The following PIK3C2G variants were observed in gnomAD, a reference collection of about 807,000 sequenced individuals.
PIK3C2G encodes phosphatidylinositol-4-phosphate 3-kinase catalytic subunit type 2 gamma, also known as phosphatidylinositol 3-kinase C2 domain-containing subunit gamma.
A neutral mutation model predicts 181.1 loss-of-function variants in PIK3C2G; 168 were observed. The observed-to-expected ratio is 0.93, with a 90% confidence interval of 0.82 to 1.05. The LOEUF is 1.05. Ranked by LOEUF, PIK3C2G falls within the 50% of genes least tolerant of loss-of-function variation. The pLI is 0.00. For missense variants in PIK3C2G, 1,869 were observed against 1,732.8 expected (o/e 1.08, Z -1.40); for synonymous variants, 573 against 592.2 (o/e 0.97, Z 0.47).
At chr12:18,357,075 T>C (rs1940809898) in intron 11 of PIK3C2G, among the ~76,000 whole-genome samples, 1 of 152,074 alleles carries the variant, frequency 6.6e-6, no homozygotes. Context: ...TAGGCAACAG[T>C]ACATATAAAA....
chr12:18,405,575 A>G lies in PIK3C2G; in HGVS notation c.2315+5728A>G, dbSNP rs577199567. On this transcript the variant is annotated intron_variant, in intron 16 of 32. Transcript: ENST00000538779. ...AGAAAAACCAGGAAAATAAACTGAA[A>G]AAAAAGTGACCAAAAGGTTGCAGGA... 7.9e-5 allele frequency among the ~76,000 whole-genome samples: 12 copies of G among 152,100 alleles called. No homozygotes were observed. The East Asian group carries it at 2.3e-3, about 29-fold the overall frequency.
Position 18,313,945 on chromosome 12 carries a change from A to AT in PIK3C2G, c.1035-11dup. On this transcript the variant is annotated splice_polypyrimidine_tract_variant and intron_variant, in intron 5 of 32. Transcript: ENST00000538779. ...ATTATGGGAGGATATGATTGTGTTC[A>AT]TTTTTTCCTCCTTCAGCGACCACTG... 1.5e-6 allele frequency: 2 copies of AT among 1,347,692 alleles called. No individual in the cohort carries two copies. The highest frequency in any genetic ancestry group is 2.1e-6 in the Non-Finnish European group (2 of 954,768). 83.5% of individuals were successfully genotyped at this position (1,347,692 alleles called of 1,614,324 possible).
chr12:18,679,409 G>A, the PIK3C2G span, among the ~76,000 whole-genome samples: 1 of 152,062 alleles, frequency 6.6e-6, no homozygotes, highest in African/African-American at 2.4e-5. Context: ...TCTTCTAGAA[G>A]TTTCATAACT....
chr12:18,538,059 A>AT, intron 24 of PIK3C2G, 97 bp from the exon 25 acceptor site: 1 of 1,219,790 alleles, frequency 8.2e-7, no homozygotes, highest in Non-Finnish European at 1.2e-6. Context: ...GAAAAAAAAA[A>AT]GAAAATTCAA....
intron 14 of PIK3C2G, among the ~76,000 whole-genome samples, chr12:18,390,081 G>A (rs1236613198): frequency 2.6e-5 from 4 of 152,062 alleles, no homozygotes; most frequent in African/African-American, 7.2e-5. Context: ...AGCTGATCTC[G>A]TACTTGTTTA....
intron 18 of PIK3C2G, among the ~76,000 whole-genome samples, chr12:18,453,202 A>T (rs572027916): frequency 1.3e-5 from 2 of 152,136 alleles, no homozygotes; most frequent in South Asian, 2.1e-4. Flanking sequence ...CTCTTTGTAG[A>T]TCTCTAAGAA....
intron 1 of PIK3C2G, among the ~76,000 whole-genome samples, chr12:18,254,372 G>A (rs1327982576): frequency 3.3e-5 from 5 of 152,200 alleles, no homozygotes; most frequent in African/African-American, 1.2e-4. Context: ...TCTCGAAGAT[G>A]TGAATCTGTT....
At chr12:18,541,944 T>C (rs1239249117) in intron 25 of PIK3C2G, among the ~76,000 whole-genome samples, 1 of 151,888 alleles carries the variant, frequency 6.6e-6, no homozygotes, top group East Asian at 1.9e-4. Context: ...TTTAGTCAGA[T>C]ACATGGTGGG....
At chr12:18,609,665 C>A in intron 31 of PIK3C2G, 36 bp downstream of exon 31, 2 of 1,292,142 alleles carry the variant, frequency 1.5e-6, no homozygotes, top group South Asian at 1.3e-5. Flanking sequence ...ACATGTAAGC[C>A]TACATCCAGA....
the PIK3C2G span, among the ~76,000 whole-genome samples, chr12:18,677,219 T>G: frequency 6.6e-6 from 1 of 152,068 alleles, no homozygotes; most frequent in Admixed American, 6.6e-5. Context: ...TGCACAAATA[T>G]GTGAGCACTT....
At chr12:18,379,924 C>G (rs1285283753) in intron 13 of PIK3C2G, among the ~76,000 whole-genome samples, 3 of 152,150 alleles carry the variant, frequency 2.0e-5, no homozygotes, top group Non-Finnish European at 4.4e-5. Context: ...TTTCCAGATC[C>G]CATCTCACCT....
At chr12:18,308,160 C>T (rs907738407) in intron 5 of PIK3C2G, among the ~76,000 whole-genome samples, 23 of 151,800 alleles carry the variant, frequency 1.5e-4, no homozygotes, top group Admixed American at 1.4e-3. Flanking sequence ...GGTCTTGCCA[C>T]GTATAATGGT....
intron 5 of PIK3C2G, among the ~76,000 whole-genome samples, chr12:18,303,999 A>G (rs1950318069): frequency 6.6e-6 from 1 of 152,034 alleles, no homozygotes; most frequent in Non-Finnish European, 1.5e-5. Flanking sequence ...GTAGTTATAT[A>G]TTTTAAAATC....
At chr12:18,401,333 T>C (rs1944239920) in intron 16 of PIK3C2G, among the ~76,000 whole-genome samples, 2 of 152,178 alleles carry the variant, frequency 1.3e-5, no homozygotes, top group Non-Finnish European at 2.9e-5. Context: ...TAACAATTGA[T>C]TGGTTTCATT....
intron 1 of PIK3C2G, among the ~76,000 whole-genome samples, chr12:18,274,822 A>C (rs564567155): frequency 3.9e-5 from 6 of 152,274 alleles, no homozygotes; most frequent in South Asian, 2.1e-4. Flanking sequence ...AAAAAAGCCT[A>C]CATTATTTTC....
In PIK3C2G at chr12:18,488,434, CT is replaced by C. The variant is rs1490429652; in HGVS notation, c.2505-14del. On this transcript the variant is annotated splice_polypyrimidine_tract_variant and intron_variant, in intron 18 of 32. Transcript: ENST00000538779. The stretch of plus-strand genomic sequence containing the variant: ...GCTTTACATACAAGAATTTTTTTCT[CT>C]CTCTTTCCTTCAGGCTGCTAAAAAA... 1.0e-5 allele frequency: 15 copies of C among 1,473,514 alleles called. No individual in the cohort carries two copies. Among genetic ancestry groups the C allele is most frequent in the African/African-American group, 2.9e-5 (2 of 68,752 alleles). The allele number at this position is 1,473,514 out of a possible 1,614,324, so 91.3% of individuals were successfully genotyped here.
chr12:18,589,190 A>T (rs186701977), intron 29 of PIK3C2G, among the ~76,000 whole-genome samples: 131 of 151,998 alleles, frequency 8.6e-4, no homozygotes, highest in Admixed American at 4.5e-3. Flanking sequence ...AAAGTTTTTT[A>T]AAAAAAGAAA....
At chr12:18,450,921 G>A (rs559017641) in intron 18 of PIK3C2G, among the ~76,000 whole-genome samples, 15 of 152,240 alleles carry the variant, frequency 9.9e-5, no homozygotes, top group Non-Finnish European at 1.9e-4. Flanking sequence ...CCACTGTTCT[G>A]TTCCATTGGT....
chr12:18,350,533 G>T (rs756525641), intron 11 of PIK3C2G, among the ~76,000 whole-genome samples: 1 of 152,066 alleles, frequency 6.6e-6, no homozygotes, highest in African/African-American at 2.4e-5. Context: ...GGGAAGATTC[G>T]AATGGCATAT....
Sources: allele counts gnomAD v4.1 joint callset (sites outside exome capture counted in the v4.1 genomes callset), GRCh38; gene constraint gnomAD v4.1.1; transcripts MANE v1.5; gene names NCBI Gene and HGNC (gene_info 2026-07-23, HGNC 2026-07-21).